FNDC8: variants seen among roughly 807,000 people sequenced by gnomAD.
FNDC8 encodes fibronectin type III domain containing 8.
In FNDC8, 23 loss-of-function variants were observed where a neutral mutation model predicts 24.8. That is an observed-to-expected ratio of 0.93 (90% CI 0.67 to 1.31). The LOEUF (loss-of-function observed/expected upper bound fraction) is 1.31. Ranked by LOEUF, FNDC8 falls within the 40% of genes most tolerant of loss-of-function variation. FNDC8 has a pLI of 0.00. For synonymous variants in FNDC8, 158 were observed against 165.3 expected (o/e 0.96, Z 0.34); for missense variants, 371 against 398.2 (o/e 0.93, Z 0.58).
rs2091824310 is a variant in FNDC8 at position 35,121,643 on chromosome 17, G to A, written c.-51G>A. 4 of 1,578,588 alleles carry A rather than the reference G, an allele frequency of 2.5e-6. No individual in the cohort carries two copies. Among genetic ancestry groups the A allele is most frequent in the African/African-American group, 2.7e-5 (2 of 74,214 alleles). On this transcript the variant is annotated 5_prime_UTR_variant, in exon 1 of 4. Transcript: ENST00000158009. Reference sequence around the variant, plus strand: ...GCCCCCACAGTTTCTCTCTGCTTCTGGTCAGCTGGGTTGTCCTGCATGGTG... The same window carrying A: ...GCCCCCACAGTTTCTCTCTGCTTCTAGTCAGCTGGGTTGTCCTGCATGGTG...
rs376681377 is a variant in FNDC8, at chr17:35,127,301, G to A, written c.469G>A (p.Asp157Asn). The A allele has an allele frequency of 9.3e-6, 15 of 1,613,960 alleles. No homozygotes were observed. The Admixed American group carries it at 2.2e-4, about 23-fold the overall frequency. Residue 157 changes from aspartate (D) to asparagine (N), a missense_variant, in exon 2 of 4, where the codon GAC becomes AAC. Asp to Asn is a conservative substitution (Grantham distance 23). Transcript: ENST00000158009. ...GGCCACAAGGGGCCTGCTGGACCTTGACAACCCTGAGCTGGAGACAGAAAC... is the reference window on the plus strand; with the variant it reads ...GGCCACAAGGGGCCTGCTGGACCTTAACAACCCTGAGCTGGAGACAGAAAC... Reference protein sequence around the residue: ...QMATRGLLDLDNPELETETSS... With the variant: ...QMATRGLLDLNNPELETETSS...
At chr17:35,129,795 A>G (rs922430599) in intron 3 of FNDC8, 137 bp downstream of exon 3, 20 of 1,451,236 alleles carry the variant, frequency 1.4e-5, no homozygotes, top group Non-Finnish European at 1.7e-5. Flanking sequence ...GTCAAGAAGC[A>G]TCAATTCCAG....
In FNDC8 at chr17:35,125,328, A is replaced by G. The variant is rs1349651295; in HGVS notation, c.210-1714A>G. Among the ~76,000 whole-genome samples the G allele has an allele frequency of 3.3e-5, 5 of 151,898 alleles. No individual in the cohort carries two copies. The East Asian group carries it at 9.7e-4, about 29-fold the overall frequency. ...GTGATGTGCACCTGTAGTCCCAGCT[A>G]CTCAGGAGGTGGAGGTGGACGGATG... On this transcript the variant is annotated intron_variant, in intron 1 of 3. Transcript: ENST00000158009.
chr17:35,127,499 C>A (rs1021648349), intron 2 of FNDC8, 82 bp downstream of exon 2: 1 of 1,423,006 alleles, frequency 7.0e-7, no homozygotes, highest in Non-Finnish European at 9.3e-7. Flanking sequence ...TGAGAAGGTG[C>A]CTGCCACCTG....
rs367578466 is a variant in FNDC8, at chr17:35,129,385, A to G, written c.586-37A>G. The G allele has an allele frequency of 8.7e-6, 14 of 1,603,784 alleles. No individual in the cohort carries two copies. In the African/African-American group the frequency reaches 1.1e-4, roughly 12 times the overall value. ...GGTGAAGGGACAGGAAGGACAGGACATATCTGAGGAAGCCTCGGGGCTCTC... is the reference window on the plus strand; with the variant it reads ...GGTGAAGGGACAGGAAGGACAGGACGTATCTGAGGAAGCCTCGGGGCTCTC... On this transcript the variant is annotated intron_variant, in intron 2 of 3. Coordinates refer to ENST00000158009, the MANE Select transcript of FNDC8 (RefSeq NM_017559.4).
In FNDC8 at chr17:35,129,504, A is replaced by T; in HGVS notation, c.668A>T (p.Asn223Ile). Reference sequence around the variant, plus strand: ...CAGGAGGTGGCCAAGACACAGGAGAATGAGTTGCCCGAGGCAAAGAATCGT... The same window carrying T: ...CAGGAGGTGGCCAAGACACAGGAGATTGAGTTGCCCGAGGCAAAGAATCGT... ...LLQEVAKTQE[N>I]ELPEAKNRPW... The change falls in exon 3 of 4, where the codon AAT becomes ATT. Residue 223 changes from asparagine to isoleucine, a missense_variant. Coordinates refer to ENST00000158009, the MANE Select transcript of FNDC8 (RefSeq NM_017559.4). 1 of 1,614,198 alleles carries T rather than the reference A, an allele frequency of 6.2e-7. No homozygotes were observed. Among genetic ancestry groups the T allele is most frequent in the South Asian group, 1.1e-5 (1 of 91,078 alleles).
At chr17:35,129,844 TG>T (rs2091865839) in intron 3 of FNDC8, 186 bp downstream of exon 3, 16 of 1,428,000 alleles carry the variant, frequency 1.1e-5, no homozygotes, top group Non-Finnish European at 1.5e-5. Context: ...TAAGCCACTC[TG>T]GGGCCCACTA....
intron 1 of FNDC8, among the ~76,000 whole-genome samples, chr17:35,122,275 C>T (rs2091832920): frequency 7.1e-6 from 1 of 140,012 alleles, no homozygotes; most frequent in Non-Finnish European, 1.5e-5. Context: ...CTTCCGGGCT[C>T]AAGCGATCCT....
intron 1 of FNDC8, among the ~76,000 whole-genome samples, chr17:35,126,496 GCTT>G (rs1342479928): frequency 7.9e-6 from 1 of 126,646 alleles, no homozygotes; most frequent in Non-Finnish European, 1.7e-5. Flanking sequence ...GATTTTCTAA[GCTT>G]TTTTTTTTTT....
At chr17:35,125,145 CATA>C (rs1473139121) in intron 1 of FNDC8, among the ~76,000 whole-genome samples, 1 of 151,856 alleles carries the variant, frequency 6.6e-6, no homozygotes, top group Non-Finnish European at 1.5e-5. Context: ...GCAAACATCT[CATA>C]ACAATACAAA....
In FNDC8 at chr17:35,130,600, C is replaced by T. The variant is rs928951574; in HGVS notation, c.*166C>T. 1.7e-5 allele frequency: 12 copies of T among 686,934 alleles called. No homozygotes were observed. Among genetic ancestry groups the T allele is most frequent in the Non-Finnish European group, 2.6e-5 (11 of 420,086 alleles). 42.6% of individuals were successfully genotyped at this position (686,934 alleles called of 1,614,324 possible). On this transcript the variant is annotated 3_prime_UTR_variant, in exon 4 of 4. Transcript: ENST00000158009. ...GGCTGGGGCCAAGGCTACATAGGGG[C>T]CCCATTCACCTGGAGGCATCTCAGG... is the stretch of plus-strand genomic sequence containing the variant.
intron 1 of FNDC8, among the ~76,000 whole-genome samples, chr17:35,122,188 ATATATATATATATATATAT>A (rs1254140846): frequency 0.019 from 442 of 23,790 alleles, 43 homozygotes; most frequent in South Asian, 0.031. Context: ...ATATATATAT[ATATATATATATATATATAT>A]AAATTTTTTT....
intron 1 of FNDC8, 91 bp from the exon 2 acceptor site, chr17:35,126,951 G>A: frequency 1.4e-6 from 2 of 1,473,638 alleles, no homozygotes; most frequent in Non-Finnish European, 9.1e-7. Flanking sequence ...GGCTGGGGAT[G>A]CTGGTAAGTC....
In FNDC8 at chr17:35,127,041, G is replaced by C; in HGVS notation, c.210-1G>C. 1 of 1,573,092 alleles carries C rather than the reference G, an allele frequency of 6.4e-7. No individual in the cohort carries two copies. Among genetic ancestry groups the C allele is most frequent in the Admixed American group, 1.8e-5 (1 of 55,760 alleles). On this transcript the variant is annotated splice_acceptor_variant, in intron 1 of 3. Coordinates refer to ENST00000158009, the MANE Select transcript of FNDC8 (RefSeq NM_017559.4). LOFTEE classifies it high-confidence loss of function. ...TTCACCTGTCTCCCCTTTTGCTCCA[G>C]GAAGCCGCTGCCAGTAGAGGATTCA... is the stretch of plus-strand genomic sequence containing the variant.
At chr17:35,122,157 CATATATATATATAT>C (rs1161260066) in intron 1 of FNDC8, among the ~76,000 whole-genome samples, 3 of 36,460 alleles carry the variant, frequency 8.2e-5, no homozygotes, top group African/African-American at 3.0e-4. Context: ...GGCTAATTTT[CATATATATATATAT>C]ATATATATAT....
Position 35,127,426 on chromosome 17 carries a change from C to G in FNDC8, c.585+9C>G. Reference sequence around the variant, plus strand: ...ACAATTCCACAGCTGTGGTGCGTTTCCCTTGCTCATGCGTTCAGCAGAGGC... The same window carrying G: ...ACAATTCCACAGCTGTGGTGCGTTTGCCTTGCTCATGCGTTCAGCAGAGGC... On this transcript the variant is annotated intron_variant, in intron 2 of 3. Coordinates refer to ENST00000158009, the MANE Select transcript of FNDC8 (RefSeq NM_017559.4). 6.5e-7 allele frequency: 1 copy of G among 1,533,366 alleles called. No homozygotes were observed. 95.0% of individuals were successfully genotyped at this position (1,533,366 alleles called of 1,614,324 possible). A position where few individuals can be genotyped will look rare whatever the true frequency, so the allele number is the denominator to read the frequency against.
intron 1 of FNDC8, 59 bp from the exon 2 acceptor site, chr17:35,126,983 G>A (rs988877680): frequency 7.2e-6 from 11 of 1,522,768 alleles, no homozygotes; most frequent in Non-Finnish European, 9.7e-6. Flanking sequence ...CTGCCCTCAG[G>A]TGGAACGGGC....
intron 1 of FNDC8, among the ~76,000 whole-genome samples, chr17:35,126,485 G>A (rs1226197338): frequency 1.3e-5 from 2 of 150,074 alleles, no homozygotes; most frequent in African/African-American, 4.9e-5. Context: ...ACTTGCATCA[G>A]GATTTTCTAA....
chr17:35,123,716 G>T (rs1185416534), intron 1 of FNDC8, among the ~76,000 whole-genome samples: 1 of 151,658 alleles, frequency 6.6e-6, no homozygotes, highest in Non-Finnish European at 1.5e-5. Context: ...CCAGCCAGGG[G>T]TCTGGGAGAC....
Sources: allele counts gnomAD v4.1 joint callset (sites outside exome capture counted in the v4.1 genomes callset), GRCh38; gene constraint gnomAD v4.1.1; transcripts MANE v1.5; gene names NCBI Gene and HGNC (gene_info 2026-07-23, HGNC 2026-07-21).